Variants in RAI1 observed in about 807,000 individuals in gnomAD.
RAI1 encodes the protein retinoic acid induced 1.
In RAI1, 9 loss-of-function variants were observed where a neutral mutation model predicts 123.8. The observed-to-expected ratio is 0.07, with a 90% CI of 0.04 to 0.13. The LOEUF (loss-of-function observed/expected upper bound fraction) is 0.13. RAI1 is among the 10% of genes least tolerant of loss of function. The pLI, the probability that RAI1 is intolerant of heterozygous loss-of-function variation, is 1.00. For synonymous variants in RAI1, 1,231 were observed against 1,127.3 expected, an observed-to-expected ratio of 1.09 and a Z score of -1.84; for missense variants, 2,256 against 2,545.8, an observed-to-expected ratio of 0.89 and a Z score of 2.45.
chr17:17,747,955 C>T (rs1345805278), intron 2 of RAI1, among the ~76,000 whole-genome samples: 2 of 152,110 alleles, frequency 1.3e-5, no homozygotes, highest in African/African-American at 4.8e-5. Context: ...GTCCCAGCTA[C>T]TTGGAGGCTA....
intron 1 of RAI1, among the ~76,000 whole-genome samples, chr17:17,682,342 C>T (rs915408642): frequency 2.0e-5 from 3 of 150,688 alleles, no homozygotes; most frequent in Admixed American, 1.3e-4. Context: ...GGTGTCCCTA[C>T]CCGGGCAGCG....
intron 2 of RAI1, among the ~76,000 whole-genome samples, chr17:17,783,080 C>T (rs2031663262): frequency 1.4e-5 from 2 of 144,338 alleles, no homozygotes; most frequent in South Asian, 4.5e-4. Flanking sequence ...CTGGTGGCAG[C>T]CCCCCGCGGT....
rs139936921 is a variant in RAI1, at chr17:17,794,064, C to T, written c.1116C>T (p.Tyr372=). ...PLMPNLENFP[Y]SQQPLSTGAF... ...TGCCAAACCTGGAGAACTTTCCCTA[C>T]AGCCAGCAGCCGCTCAGCACCGGGG... Residue 372 remains tyrosine, a synonymous_variant, in exon 3 of 6, where the codon TAC becomes TAT. Coordinates refer to ENST00000353383, the MANE Select transcript of RAI1 (RefSeq NM_030665.4). 7.1e-5 allele frequency: 115 copies of T among 1,613,934 alleles called. No individual in the cohort carries two copies. The highest frequency in any genetic ancestry group is 5.3e-5 in the Non-Finnish European group (62 of 1,180,034).
At chr17:17,763,869 A>C (rs1265132114) in intron 2 of RAI1, among the ~76,000 whole-genome samples, 2 of 152,236 alleles carry the variant, frequency 1.3e-5, no homozygotes. Flanking sequence ...CAGGTCTCTG[A>C]CCAGACAGCT....
intron 1 of RAI1, among the ~76,000 whole-genome samples, chr17:17,690,745 G>GA (rs1387897770): frequency 3.9e-5 from 6 of 152,346 alleles, no homozygotes; most frequent in African/African-American, 1.4e-4. Flanking sequence ...GCTTCATAGA[G>GA]ATGTGAAGTT....
chr17:17,682,863 G>A (rs899104340), intron 1 of RAI1, among the ~76,000 whole-genome samples: 1 of 152,134 alleles, frequency 6.6e-6, no homozygotes, highest in Admixed American at 6.5e-5. Context: ...GGCGCGGCGG[G>A]CCTCGGGCTC....
At chr17:17,769,264 G>A (rs2031053445) in intron 2 of RAI1, among the ~76,000 whole-genome samples, 1 of 152,376 alleles carries the variant, frequency 6.6e-6, no homozygotes, top group East Asian at 1.9e-4. Context: ...GGCTGGAGGT[G>A]CTGGATGCCA....
At chr17:17,773,980 A>G (rs1364747523) in intron 2 of RAI1, among the ~76,000 whole-genome samples, 2 of 152,198 alleles carry the variant, frequency 1.3e-5, no homozygotes, top group Non-Finnish European at 1.5e-5. Context: ...ATAATTTAAA[A>G]TTACATCAGG....
intron 2 of RAI1, among the ~76,000 whole-genome samples, chr17:17,764,475 T>TC (rs2030837477): frequency 6.7e-6 from 1 of 150,026 alleles, no homozygotes; most frequent in Admixed American, 6.6e-5. Flanking sequence ...TTTTCCTCTT[T>TC]TTTTTTTTTT....
chr17:17,761,989 T>C (rs1246601809), intron 2 of RAI1, among the ~76,000 whole-genome samples: 1 of 151,900 alleles, frequency 6.6e-6, no homozygotes, highest in Non-Finnish European at 1.5e-5. Flanking sequence ...AGTTCCTGAG[T>C]GTGAGCGCGG....
intron 2 of RAI1, among the ~76,000 whole-genome samples, chr17:17,773,511 G>A (rs2031240333): frequency 6.6e-6 from 1 of 152,192 alleles, no homozygotes; most frequent in Non-Finnish European, 1.5e-5. Context: ...CTGCTCACCA[G>A]GAAATTCCCT....
intron 2 of RAI1, among the ~76,000 whole-genome samples, chr17:17,730,413 G>T (rs1293868767): frequency 3.3e-5 from 5 of 152,260 alleles, no homozygotes; most frequent in Admixed American, 3.3e-4. Context: ...TGTGGTGGCT[G>T]CCTGGCCCTC....
intron 3 of RAI1, among the ~76,000 whole-genome samples, chr17:17,798,866 A>C (rs2032361680): frequency 6.6e-6 from 1 of 152,170 alleles, no homozygotes; most frequent in Admixed American, 6.5e-5. Flanking sequence ...CCCAGAGAAC[A>C]CGAGGACTCC....
intron 1 of RAI1, among the ~76,000 whole-genome samples, chr17:17,697,322 C>A (rs1424365055): frequency 6.6e-6 from 1 of 152,218 alleles, no homozygotes; most frequent in Non-Finnish European, 1.5e-5. Flanking sequence ...AATAACAGTC[C>A]TGGCCGAGGG....
chr17:17,725,365 G>C (rs1916051208), intron 2 of RAI1, among the ~76,000 whole-genome samples: 1 of 147,434 alleles, frequency 6.8e-6, no homozygotes, highest in Non-Finnish European at 1.5e-5. Flanking sequence ...ACGCTGCTCC[G>C]GTGACCCGGA....
intron 2 of RAI1, among the ~76,000 whole-genome samples, chr17:17,760,905 A>G (rs957767261): frequency 6.6e-6 from 1 of 152,202 alleles, no homozygotes; most frequent in African/African-American, 2.4e-5. Flanking sequence ...GCGTGCCTAT[A>G]GGTGATGGGC....
chr17:17,811,294 C>A lies in RAI1; in HGVS notation c.*1313C>A. On this transcript the variant is annotated 3_prime_UTR_variant, in exon 6 of 6. Coordinates refer to ENST00000353383, the MANE Select transcript of RAI1 (RefSeq NM_030665.4). The stretch of plus-strand genomic sequence containing the variant: ...TATATGAAGACTGTAAATGTTAAGA[C>A]GACTAGTGTTCTTATTAGTATATTG... The A allele has an allele frequency of 3.3e-6, 1 of 299,058 alleles. No individual in the cohort carries two copies. 18.5% of individuals were successfully genotyped at this position (299,058 alleles called of 1,614,324 possible). A position where few individuals can be genotyped will look rare whatever the true frequency, so the allele number is the denominator to read the frequency against.
chr17:17,810,717 G>A lies in RAI1; in HGVS notation c.*736G>A. ...GGGACTGGGACACCCTTTGGCCTCT[G>A]TTTGTCCCCTTTCCAGTCCTCCACC... is the stretch of plus-strand genomic sequence containing the variant. On this transcript the variant is annotated 3_prime_UTR_variant, in exon 6 of 6. Transcript: ENST00000353383. This position sits in a 1 kb window ranked among gnomAD's most constrained non-coding sequence, Gnocchi z 4.6. 2 of 429,830 alleles carry A rather than the reference G, an allele frequency of 4.7e-6. No homozygotes were observed. Among genetic ancestry groups the A allele is most frequent in the Non-Finnish European group, 9.6e-6 (2 of 209,088 alleles). The allele number at this position is 429,830 out of a possible 1,614,324, so 26.6% of individuals were successfully genotyped here.
Position 17,794,265 on chromosome 17 carries a change from C to G in RAI1, c.1317C>G (p.Thr439=). 2 of 1,613,340 alleles carry G rather than the reference C, an allele frequency of 1.2e-6. No homozygotes were observed. Among genetic ancestry groups the G allele is most frequent in the Non-Finnish European group, 1.7e-6 (2 of 1,180,040 alleles). ...DLSLQSLTAL[T]SQVENISNTV... ...GCCTGCAGAGCCTCACGGCGCTGAC[C>G]TCACAGGTGGAGAACATCTCCAACA... is the stretch of plus-strand genomic sequence containing the variant. The change falls in exon 3 of 6, where the codon ACC becomes ACG. Residue 439 remains threonine, a synonymous_variant. Coordinates refer to ENST00000353383, the MANE Select transcript of RAI1 (RefSeq NM_030665.4).
Sources: allele counts gnomAD v4.1 joint callset (sites outside exome capture counted in the v4.1 genomes callset), GRCh38; gene constraint gnomAD v4.1.1; non-coding constraint Gnocchi (gnomAD v3.1); transcripts MANE v1.5; gene names NCBI Gene and HGNC (gene_info 2026-07-23, HGNC 2026-07-21).